Variants in MCPH1 observed in about 807,000 individuals in gnomAD.
MCPH1 encodes microcephalin.
Under a neutral mutation model 84.5 loss-of-function variants are expected in MCPH1, and 104 were observed. That is an observed-to-expected ratio of 1.23 (90% CI 1.05 to 1.45). MCPH1 has a LOEUF of 1.45. MCPH1 is among the 40% of genes most tolerant of loss of function. The pLI is 0.00. For synonymous variants in MCPH1, 514 were observed against 366.8 expected, an observed-to-expected ratio of 1.40 and a Z score of -4.58; for missense variants, 1,498 against 1,005.7, an observed-to-expected ratio of 1.49 and a Z score of -6.62.
At chr8:6,527,882 C>CT (rs1465352391) in intron 12 of MCPH1, among the ~76,000 whole-genome samples, 1 of 146,982 alleles carries the variant, frequency 6.8e-6, no homozygotes, top group South Asian at 2.2e-4. Flanking sequence ...CCTTTTTACT[C>CT]TTTTCCCCAC....
intron 12 of MCPH1, chr8:6,617,093 G>C (rs1356455426): frequency 6.6e-6 from 1 of 151,946 alleles, no homozygotes; most frequent in Non-Finnish European, 1.5e-5. Context: ...CTACCTTGTA[G>C]GAAAGCCAAT....
chr8:6,544,632 A>G (rs937646272), intron 12 of MCPH1, among the ~76,000 whole-genome samples: 2 of 152,234 alleles, frequency 1.3e-5, no homozygotes, highest in East Asian at 3.9e-4. Context: ...CAACTTGGCC[A>G]TGAAATGAAG....
At chr8:6,603,972 G>A (rs1381486266) in intron 12 of MCPH1, among the ~76,000 whole-genome samples, 1 of 150,408 alleles carries the variant, frequency 6.6e-6, no homozygotes, top group Admixed American at 6.7e-5. Flanking sequence ...TTAAAAATCA[G>A]TATTCAACAA....
intron 9 of MCPH1, among the ~76,000 whole-genome samples, chr8:6,468,259 C>A (rs1342590788): frequency 6.6e-6 from 1 of 152,110 alleles, no homozygotes; most frequent in African/African-American, 2.4e-5. Context: ...TCCCTATGGT[C>A]CTTTGTTTGG....
At chr8:6,411,819 G>A (rs886910521) in intron 2 of MCPH1, among the ~76,000 whole-genome samples, 1 of 152,176 alleles carries the variant, frequency 6.6e-6, no homozygotes, top group Non-Finnish European at 1.5e-5. Flanking sequence ...CCACTGGGAG[G>A]GGTTGGGGGC....
At chr8:6,424,612 G>GT (rs1242903490) in intron 3 of MCPH1, among the ~76,000 whole-genome samples, 1 of 152,190 alleles carries the variant, frequency 6.6e-6, no homozygotes, top group Non-Finnish European at 1.5e-5. Context: ...TGATAGGAAC[G>GT]TCCCTCAGTT....
At chr8:6,527,684 TA>T in intron 12 of MCPH1, 1 of 1,597,910 alleles carries the variant, frequency 6.3e-7, no homozygotes, top group Non-Finnish European at 8.5e-7. Flanking sequence ...TACCTAAATG[TA>T]ACAAAATGAA....
intron 7 of MCPH1, among the ~76,000 whole-genome samples, chr8:6,442,726 C>G (rs151261758): frequency 6.6e-6 from 1 of 152,206 alleles, no homozygotes; most frequent in Non-Finnish European, 1.5e-5. Flanking sequence ...AAATTTCTTA[C>G]AGTTTCTTCA....
intron 9 of MCPH1, among the ~76,000 whole-genome samples, chr8:6,455,779 TA>T (rs1185366431): frequency 6.6e-6 from 1 of 152,252 alleles, no homozygotes; most frequent in Non-Finnish European, 1.5e-5. Flanking sequence ...TAAATGTTTT[TA>T]TCATTCAATA....
intron 12 of MCPH1, among the ~76,000 whole-genome samples, chr8:6,545,261 T>A (rs779672726): frequency 5.3e-5 from 8 of 152,228 alleles, no homozygotes; most frequent in Non-Finnish European, 1.0e-4. Context: ...TTGACCTCGG[T>A]GCTGGTTACA....
chr8:6,447,060 G>A lies in MCPH1; in HGVS notation c.1825+1513G>A, dbSNP rs553141829. On this transcript the variant is annotated intron_variant, in intron 8 of 13. Transcript: ENST00000344683. ...GAAAACATTCTGTGTGCGCTAGTGC[G>A]AGAGGATCTTCTACAGTCACCTGCC... 6.6e-4 allele frequency: 649 copies of A among 985,428 alleles called. 10 individuals are homozygous for A. The Middle Eastern group carries it at 8.9e-3, about 13-fold the overall frequency. The allele number at this position is 985,428 out of a possible 1,614,324, so 61.0% of individuals were successfully genotyped here.
At chr8:6,467,929 GA>G (rs890537679) in intron 9 of MCPH1, among the ~76,000 whole-genome samples, 18 of 152,162 alleles carry the variant, frequency 1.2e-4, no homozygotes, top group Non-Finnish European at 2.4e-4. Context: ...TTGGAAGGTA[GA>G]GGTGTGTACG....
chr8:6,633,956 A>G lies in MCPH1; in HGVS notation c.2453-9038A>G, dbSNP rs140461536. 3.0e-3 allele frequency among the ~76,000 whole-genome samples: 457 copies of G among 152,366 alleles called. 5 individuals carry two copies. Among genetic ancestry groups the G allele is most frequent in the African/African-American group, 0.01 (426 of 41,586 alleles). ...CTTGTTGGAGGAACTGAACAGCAGT[A>G]TAAGTGTGAAGCGTCTTACAGAAGA... On this transcript the variant is annotated intron_variant, in intron 13 of 13. Transcript: ENST00000344683.
chr8:6,423,987 A>G (rs2129553041), intron 3 of MCPH1, among the ~76,000 whole-genome samples: 1 of 152,264 alleles, frequency 6.6e-6, no homozygotes, highest in African/African-American at 2.4e-5. Context: ...TGCATTTTTT[A>G]TGTCACGTCT....
intron 12 of MCPH1, among the ~76,000 whole-genome samples, chr8:6,615,018 T>C (rs550333454): frequency 6.6e-6 from 1 of 152,076 alleles, no homozygotes; most frequent in Non-Finnish European, 1.5e-5. Flanking sequence ...GTTTCTAAGG[T>C]CCCCAGTAAC....
At position 6,625,282 on chromosome 8, in the gene MCPH1, G is replaced by A. The variant is rs139402240; in HGVS notation, c.2452+3591G>A. 1,565 of 985,438 alleles carry A rather than the reference G, an allele frequency of 1.6e-3. 15 individuals carry two copies. In the African/African-American group the frequency reaches 0.023, roughly 15 times the overall value. 61.0% of individuals were successfully genotyped at this position (985,438 alleles called of 1,614,324 possible). On this transcript the variant is annotated intron_variant, in intron 13 of 13. Transcript: ENST00000344683. Reference sequence around the variant, plus strand: ...GGTTAAAGGAGGAAACACAGAGAGCGCAAATGCCCTGTGGCAGGCGTAGGC... The same window carrying A: ...GGTTAAAGGAGGAAACACAGAGAGCACAAATGCCCTGTGGCAGGCGTAGGC...
intron 9 of MCPH1, among the ~76,000 whole-genome samples, chr8:6,466,240 G>A (rs905323878): frequency 6.7e-6 from 1 of 148,634 alleles, no homozygotes; most frequent in Admixed American, 6.9e-5. Flanking sequence ...AGGTTCAAGT[G>A]ATTCTCCTGC....
rs919611103 is a variant in MCPH1 at position 6,644,501 on chromosome 8, G to C, written c.*1452G>C. ...GATAAATGACTTAAGTAAAGTTTCAGGATAGTAAATCCATGTACAAAAATC... is the reference window on the plus strand; with the variant it reads ...GATAAATGACTTAAGTAAAGTTTCACGATAGTAAATCCATGTACAAAAATC... On this transcript the variant is annotated 3_prime_UTR_variant, in exon 14 of 14. Transcript: ENST00000344683. 6.6e-6 allele frequency: 1 copy of C among 152,122 alleles called. No individual in the cohort carries two copies. The highest frequency in any genetic ancestry group is 6.5e-5 in the Admixed American group (1 of 15,280). 9.4% of individuals were successfully genotyped at this position (152,122 alleles called of 1,614,324 possible). A position where few individuals can be genotyped will look rare whatever the true frequency, so the allele number is the denominator to read the frequency against.
chr8:6,420,025 GT>G (rs1799935881), intron 3 of MCPH1, among the ~76,000 whole-genome samples: 1 of 151,124 alleles, frequency 6.6e-6, no homozygotes, highest in Non-Finnish European at 1.5e-5. Context: ...GTCTTGCATA[GT>G]TTCTTTTATA....
Sources: gnomAD v4.1 joint callset for allele counts (sites outside exome capture counted in the v4.1 genomes callset) on GRCh38, gnomAD v4.1.1 for gene constraint, MANE v1.5 for transcripts, NCBI Gene and HGNC (gene_info 2026-07-23, HGNC 2026-07-21) for gene names.